Variants in TSPAN5 observed in about 807,000 individuals in gnomAD.
The protein encoded by TSPAN5 is tetraspanin 5.
TSPAN5 carries 10 observed loss-of-function variants against 37.1 expected under a neutral mutation model. The ratio of observed to expected loss-of-function variants is 0.27; its 90% CI spans 0.17 to 0.46. The LOEUF is 0.46. Ranked by LOEUF, TSPAN5 falls within the 20% of genes least tolerant of loss-of-function variation. TSPAN5 has a pLI of 1.00. For synonymous variants in TSPAN5, 110 were observed against 118.9 expected (o/e 0.93, Z 0.48); for missense variants, 195 against 326.6 (o/e 0.60, Z 3.11).
chr4:98,527,141 T>C (rs574386617), intron 1 of TSPAN5, among the ~76,000 whole-genome samples: 8 of 152,308 alleles, frequency 5.3e-5, no homozygotes, highest in African/African-American at 1.9e-4. Flanking sequence ...ATTACCTCCA[T>C]TATAGAGGAG....
At chr4:98,497,047 C>G (rs1191300846) in intron 2 of TSPAN5, among the ~76,000 whole-genome samples, 1 of 152,076 alleles carries the variant, frequency 6.6e-6, no homozygotes, top group Admixed American at 6.6e-5. Flanking sequence ...AAGGAAGAGG[C>G]TGGGCACAGT....
At chr4:98,548,471 G>A (rs964871112) in intron 1 of TSPAN5, among the ~76,000 whole-genome samples, 15 of 152,078 alleles carry the variant, frequency 9.9e-5, no homozygotes, top group Non-Finnish European at 4.4e-5. Context: ...ACAGTTATAT[G>A]CTAAATTACA....
rs1755635030 is a variant in TSPAN5, at chr4:98,591,686, T to C, written c.81+66460A>G. ...TTTTCATATATTGGGGTAAATAAAA[T>C]AATTATTAACATTAATTTCATGGTT... On this transcript the variant is annotated intron_variant, in intron 1 of 7. Coordinates refer to ENST00000305798, the MANE Select transcript of TSPAN5 (RefSeq NM_005723.4). Among the ~76,000 whole-genome samples, 3 of 126,342 alleles carry C rather than the reference T, an allele frequency of 2.4e-5. No individual in the cohort carries two copies. The South Asian group carries it at 8.7e-4, about 36-fold the overall frequency. The allele number at this position is 126,342 out of a possible 152,430, so 82.9% of individuals were successfully genotyped here.
chr4:98,604,154 G>A (rs1431628998), intron 1 of TSPAN5, among the ~76,000 whole-genome samples: 4 of 151,652 alleles, frequency 2.6e-5, no homozygotes, highest in Non-Finnish European at 4.4e-5. Flanking sequence ...CTGTGATCTC[G>A]TAGTACTGCA....
intron 1 of TSPAN5, among the ~76,000 whole-genome samples, chr4:98,567,380 G>A (rs1755028383): frequency 6.6e-6 from 1 of 152,052 alleles, no homozygotes; most frequent in South Asian, 2.1e-4. Context: ...AAATGTATGT[G>A]CCCATCACAA....
At chr4:98,623,156 C>T (rs886704181) in intron 1 of TSPAN5, among the ~76,000 whole-genome samples, 2 of 152,168 alleles carry the variant, frequency 1.3e-5, no homozygotes, top group African/African-American at 4.8e-5. Flanking sequence ...GGTTAAACTA[C>T]TTGACCTGTT....
intron 1 of TSPAN5, among the ~76,000 whole-genome samples, chr4:98,576,679 G>A (rs1207534873): frequency 6.6e-6 from 1 of 152,072 alleles, no homozygotes; most frequent in Non-Finnish European, 1.5e-5. Context: ...TGATACCTAG[G>A]CAACAAAGCA....
At chr4:98,494,644 ACT>A (rs1385370639) in intron 2 of TSPAN5, among the ~76,000 whole-genome samples, 2 of 152,064 alleles carry the variant, frequency 1.3e-5, no homozygotes, top group Non-Finnish European at 1.5e-5. Flanking sequence ...TGCCATAATC[ACT>A]GTTATCACTA....
chr4:98,520,281 A>G (rs1482548229), intron 1 of TSPAN5, among the ~76,000 whole-genome samples: 1 of 152,204 alleles, frequency 6.6e-6, no homozygotes, highest in Non-Finnish European at 1.5e-5. Flanking sequence ...AACAGTGGAG[A>G]CTGTTTGTGT....
At chr4:98,567,816 G>C (rs1182016348) in intron 1 of TSPAN5, among the ~76,000 whole-genome samples, 1 of 152,102 alleles carries the variant, frequency 6.6e-6, no homozygotes, top group African/African-American at 2.4e-5. Context: ...GGCGGGGCGG[G>C]GGGCCTGGTC....
At chr4:98,616,541 T>C (rs1410482708) in intron 1 of TSPAN5, among the ~76,000 whole-genome samples, 1 of 152,134 alleles carries the variant, frequency 6.6e-6, no homozygotes, top group African/African-American at 2.4e-5. Flanking sequence ...AGGCGCTGGA[T>C]GGCAAGATGA....
chr4:98,514,436 C>T (rs978961300), intron 1 of TSPAN5, among the ~76,000 whole-genome samples: 4 of 152,132 alleles, frequency 2.6e-5, no homozygotes, highest in African/African-American at 9.7e-5. Flanking sequence ...TAATTCTGGC[C>T]ATGTCAAAGG....
intron 1 of TSPAN5, among the ~76,000 whole-genome samples, chr4:98,587,998 T>C (rs1026917634): frequency 3.3e-5 from 5 of 152,156 alleles, no homozygotes. Context: ...TCCCTGAAGG[T>C]GTTCACTACA....
chr4:98,502,353 G>T (rs148693352), intron 2 of TSPAN5, among the ~76,000 whole-genome samples: 5 of 152,292 alleles, frequency 3.3e-5, no homozygotes, highest in Non-Finnish European at 5.9e-5. Flanking sequence ...TCAAAGCTCA[G>T]ACTGAGCCTT....
chr4:98,581,036 A>G (rs1755358453), intron 1 of TSPAN5, among the ~76,000 whole-genome samples: 1 of 152,152 alleles, frequency 6.6e-6, no homozygotes, highest in Non-Finnish European at 1.5e-5. Context: ...GAAACCCCAG[A>G]GTCAATATAA....
At position 98,634,667 on chromosome 4, in the gene TSPAN5, G is replaced by T. The variant is rs754168251; in HGVS notation, c.81+23479C>A. ...CCTTTTCTTGAAAGACATATTCCCA[G>T]CTCACTGAAAAAAGGGTTCCAGGAG... On this transcript the variant is annotated intron_variant, in intron 1 of 7. Transcript: ENST00000305798. Among the ~76,000 whole-genome samples the T allele has an allele frequency of 3.0e-4, 45 of 152,054 alleles. 1 individual carries two copies. Among genetic ancestry groups the T allele is most frequent in the Non-Finnish European group, 5.6e-4 (38 of 68,004 alleles).
chr4:98,522,688 T>C (rs529847918), intron 1 of TSPAN5, among the ~76,000 whole-genome samples: 112 of 152,348 alleles, frequency 7.4e-4, no homozygotes, highest in Non-Finnish European at 1.3e-3. Context: ...TAGTCCTTTG[T>C]TGTGGATGAC....
intron 2 of TSPAN5, among the ~76,000 whole-genome samples, chr4:98,505,826 TGGA>T (rs1753468032): frequency 6.6e-6 from 1 of 152,220 alleles, no homozygotes; most frequent in African/African-American, 2.4e-5. Context: ...TCCCTGCTTA[TGGA>T]GTTCTGCTAC....
At chr4:98,516,817 G>A (rs188324206) in intron 1 of TSPAN5, among the ~76,000 whole-genome samples, 1 of 152,292 alleles carries the variant, frequency 6.6e-6, no homozygotes, top group Non-Finnish European at 1.5e-5. Context: ...TCCCACAAGA[G>A]TTGGTTGGCA....
Sources: gnomAD v4.1 joint callset for allele counts (sites outside exome capture counted in the v4.1 genomes callset) on GRCh38, gnomAD v4.1.1 for gene constraint, MANE v1.5 for transcripts, NCBI Gene and HGNC (gene_info 2026-07-23, HGNC 2026-07-21) for gene names.